The following FAM120B variants were observed in gnomAD, a reference collection of about 807,000 sequenced individuals.
The protein encoded by FAM120B is constitutive coactivator of peroxisome proliferator-activated receptor gamma.
A neutral mutation model predicts 96.3 loss-of-function variants in FAM120B; 83 were observed. That is an observed-to-expected ratio of 0.86 (90% CI 0.72 to 1.03). The LOEUF (loss-of-function observed/expected upper bound fraction) is 1.03. Ranked by LOEUF, FAM120B falls within the 50% of genes least tolerant of loss-of-function variation. The pLI is 0.00. For missense variants in FAM120B, 1,027 were observed against 1,121.2 expected (o/e 0.92, Z 1.20); for synonymous variants, 407 against 402.7 (o/e 1.01, Z -0.13).
At chr6:170,359,646 C>G (rs1327512221) in intron 6 of FAM120B, among the ~76,000 whole-genome samples, 1 of 152,038 alleles carries the variant, frequency 6.6e-6, no homozygotes, top group Non-Finnish European at 1.5e-5. Flanking sequence ...ATTATGTTGC[C>G]CAGGCTGGTC....
intron 6 of FAM120B, among the ~76,000 whole-genome samples, chr6:170,378,212 A>G (rs1789689721): frequency 6.6e-6 from 1 of 152,162 alleles, no homozygotes; most frequent in East Asian, 1.9e-4. Context: ...CCATTTATTT[A>G]TTTATTTATT....
At chr6:170,388,611 G>A (rs1012035025) in intron 7 of FAM120B, 118 bp downstream of exon 7, 35 of 820,834 alleles carry the variant, frequency 4.3e-5, no homozygotes, top group African/African-American at 3.6e-4. Context: ...AAAGGATTCC[G>A]TTAAACCAGG....
chr6:170,349,326 C>T (rs1787424230), intron 5 of FAM120B, among the ~76,000 whole-genome samples: 1 of 152,084 alleles, frequency 6.6e-6, no homozygotes, highest in Admixed American at 6.5e-5. Context: ...TTTCAGTGTT[C>T]ACTTACCTGG....
intron 6 of FAM120B, among the ~76,000 whole-genome samples, chr6:170,383,402 A>G (rs1193067583): frequency 6.6e-6 from 1 of 152,228 alleles, no homozygotes; most frequent in Admixed American, 6.5e-5. Context: ...AATACTTGCA[A>G]ACCTCCTGTC....
At chr6:170,355,734 A>G (rs963717032) in intron 5 of FAM120B, among the ~76,000 whole-genome samples, 15 of 152,152 alleles carry the variant, frequency 9.9e-5, no homozygotes, top group African/African-American at 3.6e-4. Context: ...ACTTTGGAGG[A>G]AAAAAATGTA....
intron 6 of FAM120B, among the ~76,000 whole-genome samples, chr6:170,376,686 G>C (rs188528405): frequency 8.5e-5 from 13 of 152,292 alleles, no homozygotes; most frequent in Non-Finnish European, 1.5e-4. Flanking sequence ...GTTTGGTTAC[G>C]GATGAGTGGT....
intron 8 of FAM120B, among the ~76,000 whole-genome samples, chr6:170,393,554 G>A (rs1001360284): frequency 9.2e-5 from 14 of 152,306 alleles, no homozygotes; most frequent in Middle Eastern, 3.4e-3. Flanking sequence ...TTAATGAGGC[G>A]AACTACATTT....
chr6:170,376,172 A>G (rs1026916328), intron 6 of FAM120B, among the ~76,000 whole-genome samples: 5 of 152,060 alleles, frequency 3.3e-5, no homozygotes, highest in African/African-American at 1.2e-4. Context: ...TGTGGTTACT[A>G]TTTCTCTAGT....
intron 1 of FAM120B, among the ~76,000 whole-genome samples, chr6:170,310,891 A>G (rs1406445166): frequency 6.6e-6 from 1 of 152,232 alleles, no homozygotes. Context: ...TGCTGTATCC[A>G]CAGCTCCTAA....
At chr6:170,337,647 A>C (rs1398967787) in intron 4 of FAM120B, among the ~76,000 whole-genome samples, 1 of 152,116 alleles carries the variant, frequency 6.6e-6, no homozygotes, top group African/African-American at 2.4e-5. Context: ...TCGACTGTGA[A>C]TCCGTCTGGT....
At chr6:170,395,110 G>C (rs945785453) in intron 8 of FAM120B, among the ~76,000 whole-genome samples, 7 of 152,208 alleles carry the variant, frequency 4.6e-5, no homozygotes, top group African/African-American at 1.7e-4. Context: ...ACAAGTCCCA[G>C]AAGTGCTGCT....
chr6:170,397,382 G>A (rs1274486936), intron 9 of FAM120B, among the ~76,000 whole-genome samples: 1 of 152,158 alleles, frequency 6.6e-6, no homozygotes, highest in Non-Finnish European at 1.5e-5. Context: ...GCAAAGGCCT[G>A]ATGAGAGGGT....
At chr6:170,385,874 C>G (rs1261351955) in intron 6 of FAM120B, among the ~76,000 whole-genome samples, 1 of 152,178 alleles carries the variant, frequency 6.6e-6, no homozygotes, top group African/African-American at 2.4e-5. Flanking sequence ...AGAAGCCAAT[C>G]TGAAAAAGCT....
intron 1 of FAM120B, among the ~76,000 whole-genome samples, chr6:170,299,392 G>A (rs979594588): frequency 4.6e-5 from 7 of 152,150 alleles, no homozygotes; most frequent in Admixed American, 3.3e-4. Context: ...GCTGGGATGC[G>A]CAATGTGTGT....
At chr6:170,353,988 A>T (rs1787738723) in intron 5 of FAM120B, among the ~76,000 whole-genome samples, 1 of 152,244 alleles carries the variant, frequency 6.6e-6, no homozygotes, top group Non-Finnish European at 1.5e-5. Flanking sequence ...AAAAGGGCAA[A>T]GCTGGAGGCA....
chr6:170,367,942 G>A (rs1358465500), intron 6 of FAM120B, among the ~76,000 whole-genome samples: 1 of 152,286 alleles, frequency 6.6e-6, no homozygotes, highest in African/African-American at 2.4e-5. Context: ...GGCTGTGGCT[G>A]ACTCACATGG....
At chr6:170,317,326 A>C (rs769525107) in intron 1 of FAM120B, 44 bp from the exon 2 acceptor site, 2 of 1,460,642 alleles carry the variant, frequency 1.4e-6, no homozygotes, top group Non-Finnish European at 1.9e-6. Flanking sequence ...CCATATATCT[A>C]ATGATAATGC....
At chr6:170,296,326 G>A (rs1271676047) in intron 1 of FAM120B, among the ~76,000 whole-genome samples, 1 of 152,170 alleles carries the variant, frequency 6.6e-6, no homozygotes. Context: ...GCGCACCTGA[G>A]GGCTTCCTGG....
chr6:170,402,687 G>GT (rs1477769536), intron 9 of FAM120B, among the ~76,000 whole-genome samples: 1 of 152,216 alleles, frequency 6.6e-6, no homozygotes, highest in African/African-American at 2.4e-5. Flanking sequence ...AACTCCAGGT[G>GT]TAGGGTTCCC....
Sources: allele counts gnomAD v4.1 joint callset (sites outside exome capture counted in the v4.1 genomes callset), GRCh38; gene constraint gnomAD v4.1.1; transcripts MANE v1.5; gene names NCBI Gene and HGNC (gene_info 2026-07-23, HGNC 2026-07-21).